Variants in MYO3A observed in about 807,000 individuals in gnomAD.
MYO3A encodes myosin-IIIa.
A neutral mutation model predicts 192.7 loss-of-function variants in MYO3A; 180 were observed. The observed-to-expected ratio is 0.93, with a 90% CI of 0.83 to 1.06. The LOEUF (loss-of-function observed/expected upper bound fraction) is 1.06, where lower values mean the gene tolerates loss of function less well. MYO3A is among the 50% of genes least tolerant of loss of function. The pLI is 0.00. For synonymous variants in MYO3A, 628 were observed against 645.3 expected (o/e 0.97, Z 0.41); for missense variants, 1,896 against 1,905.0 (o/e 1.00, Z 0.09).
At chr10:26,093,065 C>A (rs142856599) in intron 15 of MYO3A, among the ~76,000 whole-genome samples, 1 of 152,108 alleles carries the variant, frequency 6.6e-6, no homozygotes, top group Non-Finnish European at 1.5e-5. Context: ...TAACACTTAA[C>A]GGATACAATG....
chr10:25,989,715 G>A (rs751021325), intron 4 of MYO3A, among the ~76,000 whole-genome samples: 1 of 152,190 alleles, frequency 6.6e-6, no homozygotes, highest in Non-Finnish European at 1.5e-5. Flanking sequence ...CAGGCATCCA[G>A]TAAAATCTAA....
At position 26,154,768 on chromosome 10, in the gene MYO3A, G is replaced by A. The variant is rs758404836; in HGVS notation, c.2738G>A (p.Arg913His). Residue 913 changes from arginine (R) to histidine (H), a missense_variant, in exon 25 of 35, where the codon CGT becomes CAT. Coordinates refer to ENST00000642920, the MANE Select transcript of MYO3A (RefSeq NM_017433.5). ...TAGGGCGACACTGGAGAAGCCACAC[G>A]TCATGCCAGAGAGACAACCAACATG... Reference protein sequence around the residue: ...LAKGDTGEATRHARETTNMKT... With the variant: ...LAKGDTGEATHHARETTNMKT... The A allele has an allele frequency of 8.1e-6, 13 of 1,613,826 alleles. No individual in the cohort carries two copies. The highest frequency in any genetic ancestry group is 4.4e-5 in the South Asian group (4 of 91,066).
Position 26,147,483 on chromosome 10 carries a change from T to C in MYO3A, c.2559T>C (p.Thr853=). 4 of 1,613,970 alleles carry C rather than the reference T, an allele frequency of 2.5e-6. No individual in the cohort carries two copies. The highest frequency in any genetic ancestry group is 3.4e-6 in the Non-Finnish European group (4 of 1,179,868). The change falls in exon 23 of 35, where the codon ACT becomes ACC. Residue 853 remains threonine (T), a synonymous_variant. Transcript: ENST00000642920. ...CCAAAAACAGAGACACTCTTCCTAC[T>C]GACATTGTGCTACTTTTGAGGTCAT... ...FLAKNRDTLP[T]DIVLLLRSSD... is the part of the protein sequence containing the mutation.
chr10:25,995,277 T>C (rs1428399158), intron 4 of MYO3A, among the ~76,000 whole-genome samples: 1 of 152,218 alleles, frequency 6.6e-6, no homozygotes, highest in Non-Finnish European at 1.5e-5. Context: ...GCTGATACCC[T>C]TTCTTCCAGT....
At chr10:26,142,362 ACTGGG>A (rs1191901513) in intron 20 of MYO3A, among the ~76,000 whole-genome samples, 1 of 152,232 alleles carries the variant, frequency 6.6e-6, no homozygotes, top group African/African-American at 2.4e-5. Flanking sequence ...AGACTTCAGC[ACTGGG>A]CTGGGGACAG....
intron 7 of MYO3A, among the ~76,000 whole-genome samples, chr10:26,018,012 TATC>T (rs1241690530): frequency 6.0e-5 from 9 of 150,006 alleles, no homozygotes; most frequent in African/African-American, 1.7e-4. Context: ...TTACATATAA[TATC>T]ATTATATAAT....
chr10:26,070,289 C>T (rs1273417905), intron 13 of MYO3A, 29 bp from the exon 14 acceptor site: 1 of 1,608,112 alleles, frequency 6.2e-7, no homozygotes, highest in Non-Finnish European at 8.5e-7. Flanking sequence ...AGGATAAGGT[C>T]TTCTCACAGT....
At chr10:26,088,971 T>G (rs1323486751) in intron 15 of MYO3A, among the ~76,000 whole-genome samples, 1 of 152,208 alleles carries the variant, frequency 6.6e-6, no homozygotes, top group Non-Finnish European at 1.5e-5. Context: ...GTTTCTCTCC[T>G]GTCTCACAAA....
chr10:26,076,628 TTTCAGGTA>T (rs1266135374), intron 14 of MYO3A, among the ~76,000 whole-genome samples: 2 of 152,080 alleles, frequency 1.3e-5, no homozygotes, highest in Admixed American at 1.3e-4. Context: ...ATTTTTATAG[TTTCAGGTA>T]TTAAGTCCTG....
chr10:25,996,432 A>G (rs1840443851), intron 4 of MYO3A, 58 bp from the exon 5 acceptor site: 1 of 1,459,334 alleles, frequency 6.9e-7, no homozygotes, highest in Non-Finnish European at 9.6e-7. Flanking sequence ...GAACTTTTCT[A>G]GAAAGAACAT....
intron 22 of MYO3A, among the ~76,000 whole-genome samples, chr10:26,147,227 G>A (rs1840519874): frequency 6.6e-6 from 1 of 151,804 alleles, no homozygotes; most frequent in South Asian, 2.1e-4. Flanking sequence ...AAATCAGTGA[G>A]ACACAGATGA....
chr10:26,060,544 C>A (rs12780744), intron 10 of MYO3A, among the ~76,000 whole-genome samples: 71,637 of 151,790 alleles, frequency 0.47, 17,721 homozygotes, highest in Middle Eastern at 0.59. Context: ...ATTCACAGCT[C>A]TCACTTTCCA....
intron 10 of MYO3A, among the ~76,000 whole-genome samples, chr10:26,061,111 A>C (rs911121861): frequency 6.6e-6 from 1 of 151,852 alleles, no homozygotes; most frequent in Non-Finnish European, 1.5e-5. Flanking sequence ...TTGTATTTTT[A>C]GTAGAGACGG....
chr10:25,937,572 T>C (rs982638599), intron 2 of MYO3A, among the ~76,000 whole-genome samples: 1 of 152,218 alleles, frequency 6.6e-6, no homozygotes, highest in African/African-American at 2.4e-5. Flanking sequence ...AGGTTTATAC[T>C]AAAACTTAAA....
chr10:26,099,506 C>T (rs1837292383), intron 17 of MYO3A, among the ~76,000 whole-genome samples: 1 of 152,156 alleles, frequency 6.6e-6, no homozygotes, highest in African/African-American at 2.4e-5. Context: ...AAAGGGAATG[C>T]TTCCAGTTTC....
intron 4 of MYO3A, among the ~76,000 whole-genome samples, chr10:25,980,260 C>T (rs373622022): frequency 6.7e-6 from 1 of 149,680 alleles, no homozygotes; most frequent in African/African-American, 2.4e-5. Context: ...AAGCAAAAAA[C>T]CCCACATAAT....
chr10:25,936,222 C>T (rs1836053703), intron 2 of MYO3A, among the ~76,000 whole-genome samples: 1 of 151,710 alleles, frequency 6.6e-6, no homozygotes, highest in Non-Finnish European at 1.5e-5. Flanking sequence ...TCGACTGCAT[C>T]TTTATAGCCT....
At chr10:26,017,282 A>G (rs1314806934) in intron 7 of MYO3A, among the ~76,000 whole-genome samples, 1 of 152,176 alleles carries the variant, frequency 6.6e-6, no homozygotes, top group Non-Finnish European at 1.5e-5. Context: ...CAGGTCCATT[A>G]ACCCATATGG....
At chr10:26,078,071 A>G (rs954913723) in intron 14 of MYO3A, among the ~76,000 whole-genome samples, 1 of 148,866 alleles carries the variant, frequency 6.7e-6, no homozygotes, top group African/African-American at 2.5e-5. Flanking sequence ...CAAAAAGGTT[A>G]GTAACAATTC....
Sources: gnomAD v4.1 joint callset for allele counts (sites outside exome capture counted in the v4.1 genomes callset) on GRCh38, gnomAD v4.1.1 for gene constraint, MANE v1.5 for transcripts, NCBI Gene and HGNC (gene_info 2026-07-23, HGNC 2026-07-21) for gene names.